The following SCFD2 variants were observed in gnomAD, a reference collection of about 807,000 sequenced individuals.
SCFD2 encodes the protein sec1 family domain containing 2, also known as sec1 family domain-containing protein 2.
SCFD2 carries 54 observed loss-of-function variants against 58.9 expected under a neutral mutation model. The observed-to-expected ratio is 0.92, with a 90% CI of 0.74 to 1.15. The LOEUF is 1.15. Ranked by LOEUF, SCFD2 falls within the 50% of genes most tolerant of loss-of-function variation. The probability of loss-of-function intolerance (pLI) is 0.00; values close to 1 mark genes in which losing one functional copy is unlikely to be tolerated. For synonymous variants in SCFD2, 321 were observed against 335.9 expected (o/e 0.96, Z 0.49); for missense variants, 805 against 836.6 (o/e 0.96, Z 0.47).
At chr4:53,299,246 T>C (rs547554669) in intron 3 of SCFD2, among the ~76,000 whole-genome samples, 1 of 152,250 alleles carries the variant, frequency 6.6e-6, no homozygotes, top group African/African-American at 2.4e-5. Context: ...AGAGAAGTCC[T>C]TAAAGGACCT....
intron 5 of SCFD2, among the ~76,000 whole-genome samples, chr4:52,980,306 T>C (rs998952854): frequency 6.6e-6 from 1 of 152,202 alleles, no homozygotes; most frequent in Non-Finnish European, 1.5e-5. Flanking sequence ...CTATGATTAT[T>C]CCTGGTTTAC....
intron 5 of SCFD2, among the ~76,000 whole-genome samples, chr4:52,966,268 C>T (rs748353973): frequency 5.3e-5 from 8 of 152,204 alleles, no homozygotes; most frequent in Non-Finnish European, 1.0e-4. Context: ...TTGAAATACT[C>T]TCAACTGATT....
At chr4:53,195,956 C>G (rs1332343710) in intron 4 of SCFD2, among the ~76,000 whole-genome samples, 1 of 152,084 alleles carries the variant, frequency 6.6e-6, no homozygotes, top group African/African-American at 2.4e-5. Context: ...TCCTTTCAGC[C>G]TTTCTCATTT....
intron 5 of SCFD2, among the ~76,000 whole-genome samples, chr4:52,973,292 A>C (rs896468995): frequency 1.3e-5 from 2 of 152,210 alleles, no homozygotes; most frequent in Admixed American, 1.3e-4. Flanking sequence ...AAAGAAGAAA[A>C]GAGAGAAGAA....
At chr4:53,244,373 C>T (rs1197768114) in intron 4 of SCFD2, among the ~76,000 whole-genome samples, 1 of 152,028 alleles carries the variant, frequency 6.6e-6, no homozygotes, top group Non-Finnish European at 1.5e-5. Flanking sequence ...TGCAAAAGAA[C>T]TAAAATCATA....
chr4:53,278,069 A>C (rs1010824990), intron 3 of SCFD2, among the ~76,000 whole-genome samples: 2 of 150,982 alleles, frequency 1.3e-5, no homozygotes, highest in Non-Finnish European at 1.5e-5. Flanking sequence ...AAAACAAAAA[A>C]AAAAAAAACA....
chr4:53,035,129 A>C (rs1407612072), intron 5 of SCFD2, among the ~76,000 whole-genome samples: 2 of 152,214 alleles, frequency 1.3e-5, no homozygotes. Flanking sequence ...AAACAGAGAT[A>C]TAGACCAATG....
chr4:53,065,654 G>A (rs936770638), intron 5 of SCFD2, among the ~76,000 whole-genome samples: 5 of 151,870 alleles, frequency 3.3e-5, no homozygotes, highest in Admixed American at 1.3e-4. Context: ...ATTCTATTCC[G>A]AAAGTTTTAT....
At chr4:53,266,308 T>G (rs896863576) in intron 4 of SCFD2, among the ~76,000 whole-genome samples, 7 of 152,318 alleles carry the variant, frequency 4.6e-5, no homozygotes, top group African/African-American at 1.7e-4. Flanking sequence ...TAAATAATAA[T>G]GACTATTTAT....
intron 5 of SCFD2, among the ~76,000 whole-genome samples, chr4:53,098,390 C>T (rs575741062): frequency 2.6e-5 from 4 of 152,206 alleles, no homozygotes; most frequent in East Asian, 1.9e-4. Flanking sequence ...GCTTCAATTT[C>T]GGAGCATGTT....
rs188103554 is a variant in SCFD2 at position 53,283,910 on chromosome 4, G to A, written c.1136-9909C>T. ...AGGTGGGCGGATCACAAGGTCAGGAGATCGAGACCATCCTGGTTAACACAG... is the reference window on the plus strand; with the variant it reads ...AGGTGGGCGGATCACAAGGTCAGGAAATCGAGACCATCCTGGTTAACACAG... On this transcript the variant is annotated intron_variant, in intron 3 of 8. Coordinates refer to ENST00000401642, the MANE Select transcript of SCFD2 (RefSeq NM_152540.4). Among the ~76,000 whole-genome samples, 22 of 151,992 alleles carry A rather than the reference G, an allele frequency of 1.4e-4. No homozygotes were observed. The East Asian group carries it at 4.3e-3, about 30-fold the overall frequency.
At chr4:53,216,237 G>C (rs1378606047) in intron 4 of SCFD2, among the ~76,000 whole-genome samples, 1 of 152,154 alleles carries the variant, frequency 6.6e-6, no homozygotes, top group African/African-American at 2.4e-5. Context: ...GCTCCTCCTT[G>C]TATCTCTGGT....
chr4:53,114,320 T>C (rs551439160), intron 5 of SCFD2, among the ~76,000 whole-genome samples: 2 of 152,210 alleles, frequency 1.3e-5, no homozygotes, highest in South Asian at 4.1e-4. Flanking sequence ...CCAAAACAGA[T>C]GCACATGGAG....
chr4:52,987,117 C>T (rs1560502642), intron 5 of SCFD2, among the ~76,000 whole-genome samples: 1 of 152,140 alleles, frequency 6.6e-6, no homozygotes, highest in Non-Finnish European at 1.5e-5. Context: ...GCAGCTCCGC[C>T]TCCCAGGTTC....
At chr4:53,289,265 C>T (rs1238408029) in intron 3 of SCFD2, among the ~76,000 whole-genome samples, 3 of 152,238 alleles carry the variant, frequency 2.0e-5, no homozygotes, top group East Asian at 3.9e-4. Context: ...ACTCGGGAGG[C>T]TGAGGCAGGA....
chr4:53,160,581 G>T (rs2148926646), intron 4 of SCFD2, among the ~76,000 whole-genome samples: 1 of 152,276 alleles, frequency 6.6e-6, no homozygotes, highest in East Asian at 1.9e-4. Flanking sequence ...GGTGTAAAAT[G>T]TAAGAATGGG....
chr4:53,232,125 T>C (rs1729458526), intron 4 of SCFD2, among the ~76,000 whole-genome samples: 2 of 152,226 alleles, frequency 1.3e-5, no homozygotes, highest in Admixed American at 1.3e-4. Flanking sequence ...TTTTTTCTAT[T>C]TAAAAATTAT....
At chr4:53,134,123 T>G (rs1382209075) in intron 5 of SCFD2, among the ~76,000 whole-genome samples, 3 of 152,174 alleles carry the variant, frequency 2.0e-5, no homozygotes, top group African/African-American at 7.2e-5. Context: ...ATATGAGGTA[T>G]AGGTAAATTC....
chr4:53,285,889 T>C (rs998100634), intron 3 of SCFD2, among the ~76,000 whole-genome samples: 2 of 152,118 alleles, frequency 1.3e-5, no homozygotes, highest in African/African-American at 4.8e-5. Context: ...AGAGTTCACA[T>C]GGCTGTACTA....
Sources: allele counts gnomAD v4.1 joint callset (sites outside exome capture counted in the v4.1 genomes callset), GRCh38; gene constraint gnomAD v4.1.1; transcripts MANE v1.5; gene names NCBI Gene and HGNC (gene_info 2026-07-23, HGNC 2026-07-21).